The following NADK variants were observed in gnomAD, a reference collection of about 807,000 sequenced individuals.
NADK encodes the protein NAD kinase.
A neutral mutation model predicts 49.8 loss-of-function variants in NADK; 22 were observed. The ratio of observed to expected loss-of-function variants is 0.44; its 90% CI spans 0.32 to 0.63. The LOEUF is 0.63. NADK is among the 30% of genes least tolerant of loss of function. NADK has a pLI of 0.06. For synonymous variants in NADK, 268 were observed against 253.7 expected (o/e 1.06, Z -0.54); for missense variants, 438 against 609.4 (o/e 0.72, Z 2.96).
chr1:1,776,083 TACC>T (rs1646202539), intron 1 of NADK, among the ~76,000 whole-genome samples: 1 of 152,180 alleles, frequency 6.6e-6, no homozygotes, highest in African/African-American at 2.4e-5. Flanking sequence ...GCTGTCATCC[TACC>T]ACACCTGCAG....
chr1:1,763,771 G>A (rs576591777), intron 2 of NADK, among the ~76,000 whole-genome samples: 8 of 152,204 alleles, frequency 5.3e-5, no homozygotes, highest in East Asian at 1.9e-4. Flanking sequence ...ATGCTTGGGC[G>A]TATTTGGCTA....
chr1:1,772,034 C>G (rs1039184257), intron 1 of NADK, among the ~76,000 whole-genome samples: 2 of 150,838 alleles, frequency 1.3e-5, no homozygotes, highest in Admixed American at 1.3e-4. Context: ...GTTTCAAACT[C>G]CTGGTCTCAA....
chr1:1,776,494 G>A (rs1646213802), intron 1 of NADK, among the ~76,000 whole-genome samples: 2 of 152,186 alleles, frequency 1.3e-5, no homozygotes, highest in African/African-American at 4.8e-5. Flanking sequence ...GTCCAAGTGA[G>A]GCAAGCTGTG....
chr1:1,769,537 C>T (rs1423908628), intron 1 of NADK, among the ~76,000 whole-genome samples: 3 of 151,556 alleles, frequency 2.0e-5, no homozygotes, highest in East Asian at 3.9e-4. Flanking sequence ...GGCAACAGAG[C>T]GAGACTCCGT....
chr1:1,760,041 C>T, intron 3 of NADK: 3 of 907,148 alleles, frequency 3.3e-6, no homozygotes, highest in Non-Finnish European at 5.1e-6. Context: ...TCTGGGTCAC[C>T]CACGTGGCTG....
At chr1:1,769,712 A>C (rs1010313261) in intron 1 of NADK, among the ~76,000 whole-genome samples, 2 of 151,744 alleles carry the variant, frequency 1.3e-5, no homozygotes, top group Non-Finnish European at 2.9e-5. Context: ...TGGGCGACAG[A>C]GCAAGACTCC....
chr1:1,771,830 C>G lies in NADK; in HGVS notation c.-40-6384G>C, dbSNP rs1189907549. 8.6e-5 allele frequency among the ~76,000 whole-genome samples: 13 copies of G among 150,770 alleles called. No homozygotes were observed. The East Asian group carries it at 2.5e-3, about 29-fold the overall frequency. On this transcript the variant is annotated intron_variant, in intron 1 of 11. Transcript: ENST00000341426. ...TTTTTTTTTTTGTCTTTTTGTGAGACAGGATCTCCCACTGTTGCCCAGGCT... is the reference window on the plus strand; with the variant it reads ...TTTTTTTTTTTGTCTTTTTGTGAGAGAGGATCTCCCACTGTTGCCCAGGCT...
At chr1:1,757,395 ATCTT>A in intron 3 of NADK, 85 bp from the exon 4 acceptor site, 2 of 1,271,566 alleles carry the variant, frequency 1.6e-6, no homozygotes, top group South Asian at 1.4e-5. Flanking sequence ...AAAAAAAAAA[ATCTT>A]TAAAAAGGTG....
At chr1:1,779,798 C>A, upstream of NADK, 1 of 152,414 alleles carries the variant, frequency 6.6e-6, no homozygotes, top group Non-Finnish European at 1.5e-5. Context: ...CCTGGCCCAG[C>A]CATTGTTTTC....
intron 3 of NADK, chr1:1,758,751 C>T: frequency 1.4e-6 from 1 of 725,940 alleles, no homozygotes; most frequent in Non-Finnish European, 1.7e-6. Flanking sequence ...GTCCTCAGTT[C>T]AGCAGCAAAG....
chr1:1,768,919 C>T (rs1645964464), intron 1 of NADK, among the ~76,000 whole-genome samples: 1 of 152,140 alleles, frequency 6.6e-6, no homozygotes, highest in African/African-American at 2.4e-5. Context: ...CTCTGAATAC[C>T]CAAAAGCTGG....
chr1:1,775,736 C>T (rs1212349055), intron 1 of NADK, among the ~76,000 whole-genome samples: 1 of 152,194 alleles, frequency 6.6e-6, no homozygotes, highest in East Asian at 1.9e-4. Context: ...CTCAATTTCG[C>T]TTTTTCTCTG....
chr1:1,764,129 C>T (rs1230428440), intron 2 of NADK, among the ~76,000 whole-genome samples: 1 of 152,168 alleles, frequency 6.6e-6, no homozygotes, highest in Non-Finnish European at 1.5e-5. Context: ...TAGCCTGTTT[C>T]TCCACGGCTG....
In NADK at chr1:1,752,957, G is replaced by A. The variant is rs1557829238; in HGVS notation, c.1288C>T (p.Arg430Trp). Residue 430 changes from arginine (R) to tryptophan (W), a missense_variant, in exon 12 of 12, where the codon CGG becomes TGG. Physicochemically the swap from Arg to Trp is moderately radical, Grantham distance 101. Coordinates refer to ENST00000341426, the MANE Select transcript of NADK (RefSeq NM_023018.5). ...TCCTCGAAGTGGGCTTGCTTCTTCCGGACGTTCCAATGCAGGCACTGGGCG... is the reference window on the plus strand; with the variant it reads ...TCCTCGAAGTGGGCTTGCTTCTTCCAGACGTTCCAATGCAGGCACTGGGCG... ...SLAQCLHWNV[R>W]KKQAHFEEEE... 1.9e-6 allele frequency: 3 copies of A among 1,598,544 alleles called. No individual in the cohort carries two copies. Among genetic ancestry groups the A allele is most frequent in the African/African-American group, 1.3e-5 (1 of 74,710 alleles).
At chr1:1,755,981 G>A in intron 6 of NADK, 1 of 556,760 alleles carries the variant, frequency 1.8e-6, no homozygotes, top group Non-Finnish European at 3.2e-6. Flanking sequence ...GGATGGGCCA[G>A]TAGGCGAGGT....
intron 6 of NADK, among the ~76,000 whole-genome samples, chr1:1,755,847 T>C (rs1645501890): frequency 6.6e-6 from 1 of 152,078 alleles, no homozygotes; most frequent in Admixed American, 6.5e-5. Context: ...GCATTTCCGG[T>C]GTCACCAACA....
At position 1,756,680 on chromosome 1, in the gene NADK, C is replaced by T. The variant is rs551314500; in HGVS notation, c.394-72G>A. ...CTCCTGCAGGGAGGTTCCCGACTCA[C>T]GGGCGCTGTGGTCAGAGACCTGGCA... On this transcript the variant is annotated intron_variant, in intron 4 of 11. Coordinates refer to ENST00000341426, the MANE Select transcript of NADK (RefSeq NM_023018.5). 55 of 1,605,912 alleles carry T rather than the reference C, an allele frequency of 3.4e-5. 1 individual carries two copies. Among genetic ancestry groups the T allele is most frequent in the South Asian group, 4.4e-5 (4 of 90,532 alleles).
rs907405900 is a variant in NADK at position 1,759,195 on chromosome 1, A to G, written c.264-1885T>C. 80 of 1,571,542 alleles carry G rather than the reference A, an allele frequency of 5.1e-5. No homozygotes were observed. The highest frequency in any genetic ancestry group is 6.3e-5 in the Non-Finnish European group (73 of 1,159,302). On this transcript the variant is annotated intron_variant, in intron 3 of 11. Transcript: ENST00000341426. Reference sequence around the variant, plus strand: ...GCGTCGTACACCGGCCCAGGCACCCACCGCTGTGTGTGACCACAAACCAGC... The same window carrying G: ...GCGTCGTACACCGGCCCAGGCACCCGCCGCTGTGTGTGACCACAAACCAGC...
Position 1,752,925 on chromosome 1 carries a change from C to T in NADK, c.1320G>A (p.Glu440=). 1.2e-6 allele frequency: 2 copies of T among 1,602,526 alleles called. No individual in the cohort carries two copies. The highest frequency in any genetic ancestry group is 8.5e-7 in the Non-Finnish European group (1 of 1,174,918). Residue 440 remains glutamate, a synonymous_variant, in exon 12 of 12, where the codon GAG becomes GAA. Transcript: ENST00000341426. Reference sequence around the variant, plus strand: ...TGACCTAGCCCTCCTCCTCCTCCTCCTCCTCCTCCTCGAAGTGGGCTTGCT... The same window carrying T: ...TGACCTAGCCCTCCTCCTCCTCCTCTTCCTCCTCCTCGAAGTGGGCTTGCT... ...RKKQAHFEEE[E]EEEEEG
Sources: allele counts gnomAD v4.1 joint callset (sites outside exome capture counted in the v4.1 genomes callset), GRCh38; gene constraint gnomAD v4.1.1; transcripts MANE v1.5; gene names NCBI Gene and HGNC (gene_info 2026-07-23, HGNC 2026-07-21).